INPP5D: variants seen among roughly 807,000 people sequenced by gnomAD.
The protein encoded by INPP5D is inositol polyphosphate-5-phosphatase D.
INPP5D carries 33 observed loss-of-function variants against 122.9 expected under a neutral mutation model. That is an observed-to-expected ratio of 0.27 (90% CI 0.20 to 0.36). The LOEUF is 0.36. Ranked by LOEUF, INPP5D falls within the 10% of genes least tolerant of loss-of-function variation. INPP5D has a pLI of 1.00. For missense variants in INPP5D, 1,053 were observed against 1,412.7 expected (o/e 0.75, Z 4.08); for synonymous variants, 584 against 576.2 (o/e 1.01, Z -0.19).
chr2:233,189,817 A>T lies in INPP5D; in HGVS notation c.2359-33A>T, dbSNP rs757675675. On this transcript the variant is annotated intron_variant, in intron 21 of 26. Transcript: ENST00000445964. This position sits in a 1 kb window ranked among gnomAD's most constrained non-coding sequence, Gnocchi z 5.6. ...CTGTCCCCTCACCTGTCCCTTGCCCATCAACTCCAGTCCTGTGCCCTTCTC... is the reference window on the plus strand; with the variant it reads ...CTGTCCCCTCACCTGTCCCTTGCCCTTCAACTCCAGTCCTGTGCCCTTCTC... 1.2e-6 allele frequency: 2 copies of T among 1,607,138 alleles called. No individual in the cohort carries two copies. The highest frequency in any genetic ancestry group is 2.2e-5 in the South Asian group (2 of 90,156).
intron 2 of INPP5D, among the ~76,000 whole-genome samples, chr2:233,080,431 GT>G (rs1691648579): frequency 3.1e-4 from 2 of 6,546 alleles, no homozygotes; most frequent in Non-Finnish European, 1.0e-3. Context: ...CACATCCCGG[GT>G]GTGTGTGTGT....
chr2:233,125,364 C>T (rs1693126098), intron 3 of INPP5D, among the ~76,000 whole-genome samples: 1 of 152,222 alleles, frequency 6.6e-6, no homozygotes, highest in South Asian at 2.1e-4. Context: ...GGGCCTCTGC[C>T]TAGCCCAGGG....
At chr2:233,154,456 T>C (rs1435412390) in intron 9 of INPP5D, among the ~76,000 whole-genome samples, 1 of 152,208 alleles carries the variant, frequency 6.6e-6, no homozygotes, top group African/African-American at 2.4e-5. Flanking sequence ...CTGCTATTTC[T>C]TGTGGCCCAA....
At chr2:233,198,399 C>T (rs543584904) in intron 25 of INPP5D, 23 bp downstream of exon 25, 84 of 1,593,226 alleles carry the variant, frequency 5.3e-5, no homozygotes, top group South Asian at 4.1e-4. Context: ...TTCATTAAGA[C>T]GGCTCCCTCC....
chr2:233,112,297 C>T (rs149760525), intron 2 of INPP5D, among the ~76,000 whole-genome samples: 36 of 152,216 alleles, frequency 2.4e-4, no homozygotes, highest in Middle Eastern at 6.8e-3. Flanking sequence ...CTATTTTATT[C>T]GATGGATTAT....
chr2:233,136,437 C>T (rs376088924), intron 5 of INPP5D, among the ~76,000 whole-genome samples: 4 of 150,772 alleles, frequency 2.7e-5, no homozygotes, highest in Non-Finnish European at 5.9e-5. Flanking sequence ...CGAGATGGTG[C>T]CACTGTGCTC....
In INPP5D at chr2:233,083,011, G is replaced by A. The variant is rs570554209; in HGVS notation, c.198+3613G>A. Among the ~76,000 whole-genome samples the A allele has an allele frequency of 2.6e-5, 4 of 152,360 alleles. No individual in the cohort carries two copies. The South Asian group carries it at 8.3e-4, about 32-fold the overall frequency. ...GAGCTTGGCCTCTTGCCCTTCACAT[G>A]GTTATAGATAATATTTGATCCCAGG... On this transcript the variant is annotated intron_variant, in intron 2 of 26. Transcript: ENST00000445964.
At chr2:233,115,435 G>A (rs1402917204) in intron 2 of INPP5D, among the ~76,000 whole-genome samples, 2 of 152,180 alleles carry the variant, frequency 1.3e-5, no homozygotes, top group Non-Finnish European at 2.9e-5. Flanking sequence ...TTCCTGGATG[G>A]TGTTGGAAAG....
intron 25 of INPP5D, among the ~76,000 whole-genome samples, chr2:233,198,824 C>G (rs897003557): frequency 2.0e-5 from 3 of 152,068 alleles, no homozygotes; most frequent in African/African-American, 4.8e-5. Context: ...GTGGTGCATG[C>G]CTGTAATCCC....
chr2:233,155,038 T>C (rs554961025), intron 9 of INPP5D, among the ~76,000 whole-genome samples: 4 of 151,846 alleles, frequency 2.6e-5, no homozygotes, highest in Non-Finnish European at 5.9e-5. Context: ...AGAGATCAGA[T>C]TCTACAGATA....
chr2:233,159,535 G>GAA lies in INPP5D; in HGVS notation c.1137+1125_1137+1126dup, dbSNP rs374072260. Among the ~76,000 whole-genome samples the GAA allele has an allele frequency of 7.6e-5, 11 of 143,886 alleles. 2 individuals carry two copies. The highest frequency in any genetic ancestry group is 1.8e-4 in the African/African-American group (7 of 39,716). 94.4% of individuals were successfully genotyped at this position (143,886 alleles called of 152,430 possible). Reference sequence around the variant, plus strand: ...CAAGATGGTGAGACCTCATCTCTACGAAAAAAAAAATAGCTGGGTGTGGTG... The same window carrying GAA: ...CAAGATGGTGAGACCTCATCTCTACGAAAAAAAAAAAATAGCTGGGTGTGGTG... On this transcript the variant is annotated intron_variant, in intron 10 of 26. Transcript: ENST00000445964.
intron 22 of INPP5D, 128 bp downstream of exon 22, chr2:233,190,065 G>A: frequency 2.1e-6 from 3 of 1,406,726 alleles, no homozygotes; most frequent in Non-Finnish European, 2.8e-6. Context: ...TCATCCCAGG[G>A]CTGCTAGTGG....
rs1694807277 is a variant in INPP5D at position 233,182,417 on chromosome 2, C to A, written c.2079C>A (p.Thr693=). 1 of 1,613,574 alleles carries A rather than the reference C, an allele frequency of 6.2e-7. No individual in the cohort carries two copies. Among genetic ancestry groups the A allele is most frequent in the Admixed American group, 1.7e-5 (1 of 59,984 alleles). The part of the protein sequence containing the change: ...VHVVCQSYGS[T]SDIMTSDHSP... ...GCCTTCCCTCCCCTGCAGGCAGTACCAGCGACATCATGACGAGTGACCACA... is the reference window on the plus strand; with the variant it reads ...GCCTTCCCTCCCCTGCAGGCAGTACAAGCGACATCATGACGAGTGACCACA... Residue 693 remains threonine, a synonymous_variant, in exon 19 of 27, where the codon ACC becomes ACA. Coordinates refer to ENST00000445964, the MANE Select transcript of INPP5D (RefSeq NM_001017915.3).
chr2:233,143,215 G>A (rs1039841936), intron 6 of INPP5D, among the ~76,000 whole-genome samples: 3 of 152,208 alleles, frequency 2.0e-5, no homozygotes, highest in Non-Finnish European at 2.9e-5. Flanking sequence ...GCAGAAGTAT[G>A]GGGAAAGCTC....
chr2:233,171,282 A>C, intron 17 of INPP5D, 130 bp downstream of exon 17: 1 of 1,399,578 alleles, frequency 7.1e-7, no homozygotes, highest in Non-Finnish European at 9.5e-7. Context: ...ATTAGAAAGC[A>C]CATGTTGATT....
At chr2:233,199,866 C>T (rs1053602258) in intron 25 of INPP5D, among the ~76,000 whole-genome samples, 2 of 152,122 alleles carry the variant, frequency 1.3e-5, no homozygotes, top group African/African-American at 4.8e-5. Context: ...AGCTAGTTAA[C>T]CTTTGGGCAT....
chr2:233,141,745 GA>G (rs1180252033), intron 6 of INPP5D: 2 of 152,206 alleles, frequency 1.3e-5, no homozygotes, highest in African/African-American at 4.8e-5. Context: ...AACTCTGATG[GA>G]AGTCTCCACG....
rs6706611 is a variant in INPP5D at position 233,195,383 on chromosome 2, G to A, written c.2597-16G>A. On this transcript the variant is annotated splice_polypyrimidine_tract_variant and intron_variant, in intron 23 of 26. Coordinates refer to ENST00000445964, the MANE Select transcript of INPP5D (RefSeq NM_001017915.3). ...GCTGGGCCCTCACATGCTCTTTCCCGTCCCTTTCCTTCCAGACTTTGTGAA... is the reference window on the plus strand; with the variant it reads ...GCTGGGCCCTCACATGCTCTTTCCCATCCCTTTCCTTCCAGACTTTGTGAA... The A allele has an allele frequency of 0.23, 378,536 of 1,613,210 alleles. 45,642 individuals are homozygous for A. The highest frequency in any genetic ancestry group is 0.34 in the East Asian group (15,424 of 44,820).
At chr2:233,166,366 A>T (rs1447046083) in intron 13 of INPP5D, among the ~76,000 whole-genome samples, 1 of 152,300 alleles carries the variant, frequency 6.6e-6, no homozygotes, top group East Asian at 1.9e-4. Context: ...GCTCATGTGG[A>T]CCTGACACAC....
Sources: gnomAD v4.1 joint callset for allele counts (sites outside exome capture counted in the v4.1 genomes callset) on GRCh38, gnomAD v4.1.1 for gene constraint, Gnocchi (gnomAD v3.1) non-coding constraint, MANE v1.5 for transcripts, NCBI Gene and HGNC (gene_info 2026-07-23, HGNC 2026-07-21) for gene names.